Variants in CTNNA3 observed in about 807,000 individuals in gnomAD.
CTNNA3 encodes catenin alpha 3.
In CTNNA3, 76 loss-of-function variants were observed where a neutral mutation model predicts 95.7. That is an observed-to-expected ratio of 0.79 (90% confidence interval 0.66 to 0.96). CTNNA3 has a LOEUF of 0.96. Among genes scored for constraint, CTNNA3 ranks in the 40% least tolerant of loss-of-function variants. The pLI is 0.00. For synonymous variants in CTNNA3, 431 were observed against 374.4 expected (o/e 1.15, Z -1.74); for missense variants, 1,191 against 1,089.8 (o/e 1.09, Z -1.31).
At chr10:67,201,870 T>G (rs1283850234) in intron 6 of CTNNA3, among the ~76,000 whole-genome samples, 2 of 152,128 alleles carry the variant, frequency 1.3e-5, no homozygotes, top group Non-Finnish European at 2.9e-5. Context: ...GTTCAAAATA[T>G]ATTCAGAATT....
At chr10:66,293,689 G>A in intron 12 of CTNNA3, among the ~76,000 whole-genome samples, 1 of 127,940 alleles carries the variant, frequency 7.8e-6, no homozygotes, top group African/African-American at 3.1e-5. Context: ...TTTCTGAGAT[G>A]AACTCTTATT....
chr10:66,115,596 TAGAGATAG>T (rs2082310440), intron 13 of CTNNA3, among the ~76,000 whole-genome samples: 1 of 135,344 alleles, frequency 7.4e-6, no homozygotes, highest in African/African-American at 3.7e-5. Flanking sequence ...TAGATAGAGA[TAGAGATAG>T]AGATAGAGAT....
chr10:66,075,443 G>T (rs775238948), intron 14 of CTNNA3, among the ~76,000 whole-genome samples: 3 of 151,606 alleles, frequency 2.0e-5, no homozygotes, highest in Non-Finnish European at 4.4e-5. Flanking sequence ...AATTAGTTAT[G>T]ACTATAAACA....
intron 13 of CTNNA3, among the ~76,000 whole-genome samples, chr10:66,109,620 C>T (rs1412880510): frequency 6.6e-6 from 1 of 152,036 alleles, no homozygotes. Flanking sequence ...TTTAAATTTC[C>T]CATGAGCCAA....
intron 5 of CTNNA3, among the ~76,000 whole-genome samples, chr10:67,330,978 T>C (rs1841770930): frequency 6.6e-6 from 1 of 152,220 alleles, no homozygotes; most frequent in African/African-American, 2.4e-5. Context: ...CCTTTACTTA[T>C]AAATATTATG....
At chr10:66,577,969 TTCCATG>T (rs1319443630) in intron 10 of CTNNA3, among the ~76,000 whole-genome samples, 1 of 152,038 alleles carries the variant, frequency 6.6e-6, no homozygotes, top group Admixed American at 6.6e-5. Context: ...AAGAATATTT[TTCCATG>T]TGTTTGCATT....
intron 7 of CTNNA3, among the ~76,000 whole-genome samples, chr10:66,958,308 C>CAAAAAAAAAAAA (rs35076056): frequency 1.2e-5 from 1 of 86,946 alleles, no homozygotes; most frequent in African/African-American, 4.1e-5. Flanking sequence ...TGCTTTCTTG[C>CAAAAAAAAAAAA]AAAAAAAAAA....
intron 12 of CTNNA3, among the ~76,000 whole-genome samples, chr10:66,284,873 C>G (rs10740228): frequency 0.4 from 60,133 of 151,596 alleles, 12,069 homozygotes; most frequent in African/African-American, 0.45. Context: ...ATTAATAATA[C>G]TAGAAAGTGG....
chr10:67,063,921 G>T (rs1855909493), intron 7 of CTNNA3, among the ~76,000 whole-genome samples: 1 of 152,122 alleles, frequency 6.6e-6, no homozygotes, highest in South Asian at 2.1e-4. Context: ...ATGTTTATGG[G>T]TGCATTTACC....
At chr10:67,478,400 A>T (rs1283758601) in intron 5 of CTNNA3, among the ~76,000 whole-genome samples, 1 of 152,198 alleles carries the variant, frequency 6.6e-6, no homozygotes, top group Non-Finnish European at 1.5e-5. Context: ...ATCAGATCAC[A>T]TAAAGGGGAA....
intron 7 of CTNNA3, among the ~76,000 whole-genome samples, chr10:67,123,294 A>T (rs1859555527): frequency 6.6e-6 from 1 of 152,136 alleles, no homozygotes; most frequent in Non-Finnish European, 1.5e-5. Context: ...ACAAATATTT[A>T]TTGAGTATCT....
intron 9 of CTNNA3, among the ~76,000 whole-genome samples, chr10:66,692,179 A>C (rs1025835205): frequency 6.6e-6 from 1 of 152,176 alleles, no homozygotes; most frequent in African/African-American, 2.4e-5. Flanking sequence ...TACAGGAGGA[A>C]ATTCAAACCA....
intron 1 of CTNNA3, among the ~76,000 whole-genome samples, chr10:67,743,814 C>CA (rs1484767666): frequency 2.6e-5 from 4 of 151,152 alleles, no homozygotes; most frequent in African/African-American, 9.7e-5. Flanking sequence ...TCTCAGGATA[C>CA]AAAATCAATG....
chr10:67,480,168 A>T (rs1848166249), intron 5 of CTNNA3, among the ~76,000 whole-genome samples: 1 of 152,118 alleles, frequency 6.6e-6, no homozygotes. Flanking sequence ...TACAAAGAAG[A>T]GTTTATAGCA....
At chr10:66,907,204 T>G (rs1003118122) in intron 7 of CTNNA3, among the ~76,000 whole-genome samples, 1 of 152,186 alleles carries the variant, frequency 6.6e-6, no homozygotes, top group African/African-American at 2.4e-5. Context: ...TGTGCACATT[T>G]CTTAAGCTTA....
intron 1 of CTNNA3, among the ~76,000 whole-genome samples, chr10:67,744,636 A>C (rs1207224929): frequency 6.6e-6 from 1 of 151,176 alleles, no homozygotes; most frequent in Non-Finnish European, 1.5e-5. Context: ...TGGCAACAAA[A>C]GCCAAAATTG....
At chr10:66,849,488 G>C (rs919218405) in intron 7 of CTNNA3, among the ~76,000 whole-genome samples, 1 of 152,110 alleles carries the variant, frequency 6.6e-6, no homozygotes, top group Non-Finnish European at 1.5e-5. Flanking sequence ...TGGAACATTA[G>C]AATGTGACTT....
chr10:66,548,362 T>C (rs1048610383), intron 10 of CTNNA3, among the ~76,000 whole-genome samples: 12 of 152,212 alleles, frequency 7.9e-5, no homozygotes, highest in Non-Finnish European at 1.8e-4. Flanking sequence ...TTATTAAGTA[T>C]TATAATTTGT....
intron 4 of CTNNA3, among the ~76,000 whole-genome samples, chr10:67,532,163 G>C (rs1308953523): frequency 1.3e-5 from 2 of 152,120 alleles, no homozygotes; most frequent in African/African-American, 4.8e-5. Context: ...GTCTTGACTT[G>C]CTCTTTTTCT....
Sources: allele counts gnomAD v4.1 joint callset (sites outside exome capture counted in the v4.1 genomes callset), GRCh38; gene constraint gnomAD v4.1.1; transcripts MANE v1.5; gene names NCBI Gene and HGNC (gene_info 2026-07-23, HGNC 2026-07-21).